ZDHHC14: variants seen among roughly 807,000 people sequenced by gnomAD.
The protein encoded by ZDHHC14 is zDHHC palmitoyltransferase 14.
In ZDHHC14, 16 loss-of-function variants were observed where a neutral mutation model predicts 47.7. The ratio of observed to expected loss-of-function variants is 0.34; its 90% CI spans 0.23 to 0.51. ZDHHC14 has a LOEUF of 0.51. Among genes scored for constraint, ZDHHC14 ranks in the 20% least tolerant of loss-of-function variants. The probability of loss-of-function intolerance (pLI) is 0.97; values close to 1 mark genes in which losing one functional copy is unlikely to be tolerated. For missense variants in ZDHHC14, 515 were observed against 662.5 expected (o/e 0.78, Z 2.44); for synonymous variants, 293 against 278.9 (o/e 1.05, Z -0.50).
chr6:157,529,326 A>G, intron 1 of ZDHHC14: 1 of 153,360 alleles, frequency 6.5e-6, no homozygotes. Context: ...TTAGCATTGT[A>G]CTGGTCAGAA....
chr6:157,485,900 C>CT (rs751102624), intron 1 of ZDHHC14, among the ~76,000 whole-genome samples: 2 of 152,182 alleles, frequency 1.3e-5, no homozygotes, highest in Non-Finnish European at 2.9e-5. Context: ...GTAATCCCAG[C>CT]TACTCGGGAG....
At chr6:157,578,045 T>C (rs79613720) in intron 2 of ZDHHC14, among the ~76,000 whole-genome samples, 1 of 152,110 alleles carries the variant, frequency 6.6e-6, no homozygotes, top group African/African-American at 2.4e-5. Context: ...ATGGGGTTGT[T>C]TTTTTTTCTT....
At chr6:157,517,667 C>T (rs1382225673) in intron 1 of ZDHHC14, among the ~76,000 whole-genome samples, 1 of 152,146 alleles carries the variant, frequency 6.6e-6, no homozygotes, top group Non-Finnish European at 1.5e-5. Flanking sequence ...AGGTACATCC[C>T]AAACCGGCGA....
intron 1 of ZDHHC14, among the ~76,000 whole-genome samples, chr6:157,456,907 G>C (rs1166320182): frequency 2.6e-5 from 4 of 152,014 alleles, no homozygotes. Flanking sequence ...CAGCCCCTTC[G>C]GAAGGCCAAG....
intron 2 of ZDHHC14, among the ~76,000 whole-genome samples, chr6:157,571,898 G>C (rs1783113270): frequency 6.7e-6 from 1 of 149,306 alleles, no homozygotes. Context: ...ATTTTGTCCT[G>C]CCTGCTAATA....
intron 1 of ZDHHC14, among the ~76,000 whole-genome samples, chr6:157,498,058 T>C (rs901694492): frequency 1.3e-5 from 2 of 152,194 alleles, no homozygotes; most frequent in African/African-American, 4.8e-5. Flanking sequence ...CCTGGAATAA[T>C]ATTTGTCTTG....
chr6:157,574,259 C>T (rs1311809091), intron 2 of ZDHHC14, among the ~76,000 whole-genome samples: 1 of 151,962 alleles, frequency 6.6e-6, no homozygotes, highest in African/African-American at 2.4e-5. Flanking sequence ...CCTATCTCTA[C>T]TAAAAATACA....
chr6:157,617,786 G>C (rs375757717), intron 3 of ZDHHC14, among the ~76,000 whole-genome samples: 1 of 152,132 alleles, frequency 6.6e-6, no homozygotes, highest in South Asian at 2.1e-4. Context: ...AAAGGCGGTG[G>C]GCAGACATCA....
At chr6:157,497,369 T>G (rs1780092619) in intron 1 of ZDHHC14, among the ~76,000 whole-genome samples, 1 of 152,204 alleles carries the variant, frequency 6.6e-6, no homozygotes, top group East Asian at 1.9e-4. Flanking sequence ...GAATATGGCA[T>G]TCATGGATTA....
intron 4 of ZDHHC14, 51 bp from the exon 5 acceptor site, chr6:157,632,783 G>C: frequency 1.3e-6 from 2 of 1,551,182 alleles, no homozygotes; most frequent in African/African-American, 1.4e-5. Context: ...AGAGCATTCA[G>C]CATGAAGGCT....
chr6:157,488,889 G>A (rs1449944469), intron 1 of ZDHHC14, among the ~76,000 whole-genome samples: 2 of 152,158 alleles, frequency 1.3e-5, no homozygotes, highest in Non-Finnish European at 2.9e-5. Flanking sequence ...TAGTGTCGCT[G>A]GTGTGTCTGC....
Position 157,645,803 on chromosome 6 carries a change from C to T in ZDHHC14, c.819C>T (p.Thr273=). The change falls in exon 6 of 9, where the codon ACC becomes ACT. Residue 273 remains threonine (T), a synonymous_variant. Coordinates refer to ENST00000359775, the MANE Select transcript of ZDHHC14 (RefSeq NM_024630.3). ...WSIVGLSGFH[T]YLISSNQTTN... is the part of the protein sequence containing the mutation. ...TCGTTGGCCTCTCAGGATTCCACAC[C>T]TACTTGATCAGCTCCAACCAGACAA... is the stretch of plus-strand genomic sequence containing the variant. 1.2e-6 allele frequency: 2 copies of T among 1,614,158 alleles called. No individual in the cohort carries two copies. The highest frequency in any genetic ancestry group is 1.7e-6 in the Non-Finnish European group (2 of 1,180,024).
At chr6:157,648,162 T>A (rs147839912) in intron 7 of ZDHHC14, among the ~76,000 whole-genome samples, 3 of 152,344 alleles carry the variant, frequency 2.0e-5, no homozygotes, top group African/African-American at 7.2e-5. Context: ...GAGTTACACC[T>A]ATGGAGAATA....
At chr6:157,390,387 T>C (rs1037843528) in intron 1 of ZDHHC14, among the ~76,000 whole-genome samples, 1 of 152,216 alleles carries the variant, frequency 6.6e-6, no homozygotes, top group African/African-American at 2.4e-5. Context: ...TTTCTTTACA[T>C]TTATCCCGCT....
chr6:157,585,988 C>A lies in ZDHHC14; in HGVS notation c.407-7000C>A, dbSNP rs189207212. Reference sequence around the variant, plus strand: ...GTGCGGGAGCATGGCAGTCCTCCATCTTGGGCATCTCCTATGTGCTAGACT... The same window carrying A: ...GTGCGGGAGCATGGCAGTCCTCCATATTGGGCATCTCCTATGTGCTAGACT... On this transcript the variant is annotated intron_variant, in intron 2 of 8. Transcript: ENST00000359775. Among the ~76,000 whole-genome samples the A allele has an allele frequency of 2.3e-3, 356 of 152,316 alleles. 2 individuals carry two copies. The highest frequency in any genetic ancestry group is 8.3e-3 in the African/African-American group (344 of 41,568).
chr6:157,612,086 G>A (rs1233755082), intron 3 of ZDHHC14, among the ~76,000 whole-genome samples: 7 of 152,154 alleles, frequency 4.6e-5, no homozygotes, highest in Admixed American at 1.3e-4. Flanking sequence ...CTACACAGAC[G>A]TGAGGGTCCT....
At chr6:157,517,890 C>T (rs1159860225) in intron 1 of ZDHHC14, among the ~76,000 whole-genome samples, 1 of 152,208 alleles carries the variant, frequency 6.6e-6, no homozygotes, top group East Asian at 1.9e-4. Context: ...CGCTGTTGCC[C>T]TAGGCATTGC....
At chr6:157,422,237 T>C (rs1778123140) in intron 1 of ZDHHC14, among the ~76,000 whole-genome samples, 1 of 152,060 alleles carries the variant, frequency 6.6e-6, no homozygotes, top group Non-Finnish European at 1.5e-5. Flanking sequence ...GGATTGAGGG[T>C]GGGATGTCAG....
At chr6:157,565,147 T>C (rs1782853805) in intron 2 of ZDHHC14, among the ~76,000 whole-genome samples, 1 of 152,084 alleles carries the variant, frequency 6.6e-6, no homozygotes, top group Admixed American at 6.5e-5. Context: ...CTTGAGAGGC[T>C]GAGGTGGGAG....
Sources: gnomAD v4.1 joint callset for allele counts (sites outside exome capture counted in the v4.1 genomes callset) on GRCh38, gnomAD v4.1.1 for gene constraint, MANE v1.5 for transcripts, NCBI Gene and HGNC (gene_info 2026-07-23, HGNC 2026-07-21) for gene names.